LRP1B: variants seen among roughly 807,000 people sequenced by gnomAD.
LRP1B encodes the protein low-density lipoprotein receptor-related protein 1B.
In LRP1B, 217 loss-of-function variants were observed where a neutral mutation model predicts 556.6. The observed-to-expected ratio is 0.39, with a 90% CI of 0.35 to 0.44. LRP1B has a LOEUF of 0.44. LRP1B is among the 20% of genes least tolerant of loss of function. The pLI is 1.00. For missense variants in LRP1B, 5,053 were observed against 5,620.8 expected (o/e 0.90, Z 3.23); for synonymous variants, 2,047 against 1,865.8 (o/e 1.10, Z -2.50).
intron 35 of LRP1B, among the ~76,000 whole-genome samples, chr2:140,743,898 G>A (rs930088012): frequency 6.9e-6 from 1 of 145,550 alleles, no homozygotes; most frequent in African/African-American, 2.5e-5. Flanking sequence ...ACCCAGGAGG[G>A]GGATGTTGCA....
chr2:140,788,441 T>G (rs1689987048), intron 32 of LRP1B, among the ~76,000 whole-genome samples: 1 of 152,166 alleles, frequency 6.6e-6, no homozygotes, highest in Non-Finnish European at 1.5e-5. Context: ...ATTAACAGTG[T>G]AATTACTGTT....
intron 7 of LRP1B, among the ~76,000 whole-genome samples, chr2:141,082,368 G>T (rs1007722893): frequency 1.7e-4 from 26 of 152,152 alleles, no homozygotes; most frequent in Admixed American, 1.2e-3. Flanking sequence ...TAAAAGCTGG[G>T]CTCTTCTCTT....
intron 2 of LRP1B, among the ~76,000 whole-genome samples, chr2:141,746,301 T>A (rs1464803482): frequency 6.6e-6 from 1 of 152,168 alleles, no homozygotes; most frequent in Non-Finnish European, 1.5e-5. Context: ...GTGACGGGGC[T>A]TGCTGGAACT....
At chr2:140,458,067 C>T (rs183032009) in intron 60 of LRP1B, among the ~76,000 whole-genome samples, 1 of 151,898 alleles carries the variant, frequency 6.6e-6, no homozygotes, top group East Asian at 1.9e-4. Context: ...ATACCTAAAT[C>T]TAAAGATCAT....
chr2:141,346,593 C>T (rs956138128), intron 3 of LRP1B, among the ~76,000 whole-genome samples: 1 of 152,072 alleles, frequency 6.6e-6, no homozygotes, highest in Non-Finnish European at 1.5e-5. Flanking sequence ...GTGAGGTATA[C>T]CCTGAACGAA....
At chr2:141,657,228 T>G (rs555988512) in intron 2 of LRP1B, among the ~76,000 whole-genome samples, 2 of 152,162 alleles carry the variant, frequency 1.3e-5, no homozygotes, top group African/African-American at 4.8e-5. Flanking sequence ...AATTACAGAG[T>G]GTAGTAAATG....
intron 3 of LRP1B, among the ~76,000 whole-genome samples, chr2:141,333,293 G>T (rs796984360): frequency 3.9e-5 from 6 of 152,144 alleles, no homozygotes; most frequent in African/African-American, 1.4e-4. Context: ...TTGTGGATTA[G>T]GATATTTCTA....
chr2:141,569,231 C>T (rs972164542), intron 2 of LRP1B, among the ~76,000 whole-genome samples: 6 of 150,822 alleles, frequency 4.0e-5, no homozygotes, highest in South Asian at 2.1e-4. Flanking sequence ...AGAAAAATCG[C>T]TACAATGTCT....
At chr2:140,554,632 A>G (rs573141796) in intron 43 of LRP1B, among the ~76,000 whole-genome samples, 3 of 152,080 alleles carry the variant, frequency 2.0e-5, no homozygotes, top group Non-Finnish European at 4.4e-5. Context: ...AATAGAGGAT[A>G]TTACAAGAGC....
intron 54 of LRP1B, 112 bp downstream of exon 54, chr2:140,502,851 C>T: frequency 9.6e-7 from 1 of 1,040,522 alleles, no homozygotes; most frequent in Non-Finnish European, 1.4e-6. Context: ...AGAAACATCA[C>T]ATGCTTAATA....
At chr2:140,956,267 T>G (rs16845015) in intron 18 of LRP1B, among the ~76,000 whole-genome samples, 6 of 151,620 alleles carry the variant, frequency 4.0e-5, no homozygotes, top group Non-Finnish European at 5.9e-5. Context: ...ATCACATAAA[T>G]AGCAAGTGGC....
intron 3 of LRP1B, among the ~76,000 whole-genome samples, chr2:141,264,725 T>C (rs1161482609): frequency 6.6e-6 from 1 of 152,186 alleles, no homozygotes; most frequent in African/African-American, 2.4e-5. Flanking sequence ...GAAGAGCTGG[T>C]ATTACAGGCA....
chr2:141,579,605 T>C (rs939837634), intron 2 of LRP1B, among the ~76,000 whole-genome samples: 1 of 152,112 alleles, frequency 6.6e-6, no homozygotes. Flanking sequence ...AGCATAAAAT[T>C]TGAATGTTGA....
Position 140,577,685 on chromosome 2 carries a change from A to C in LRP1B, c.7194+20946T>G, listed in dbSNP as rs184628336. ...ATTTTCCCCACCCCCCAGCCTCCCA[A>C]AGTGCTGAGATATGGACATGAGCCA... On this transcript the variant is annotated intron_variant, in intron 43 of 90. Transcript: ENST00000389484. Among the ~76,000 whole-genome samples the C allele has an allele frequency of 7.9e-4, 120 of 152,168 alleles. No homozygotes were observed. In the Middle Eastern group the frequency reaches 0.038, roughly 48 times the overall value.
At chr2:141,836,674 A>G (rs957289861) in intron 1 of LRP1B, among the ~76,000 whole-genome samples, 1 of 152,006 alleles carries the variant, frequency 6.6e-6, no homozygotes, top group African/African-American at 2.4e-5. Flanking sequence ...TCTAACTGCT[A>G]ACAGTATTTC....
intron 18 of LRP1B, among the ~76,000 whole-genome samples, chr2:140,960,513 C>A (rs577546162): frequency 6.6e-6 from 1 of 151,534 alleles, no homozygotes; most frequent in African/African-American, 2.4e-5. Flanking sequence ...ATTTTAAAAA[C>A]GTTTCCTGAC....
At chr2:140,648,516 T>C (rs1212878795) in intron 41 of LRP1B, among the ~76,000 whole-genome samples, 1 of 151,520 alleles carries the variant, frequency 6.6e-6, no homozygotes, top group Non-Finnish European at 1.5e-5. Context: ...GTGGAGAATG[T>C]GAGGAGGGGT....
chr2:141,071,059 G>T (rs1574043537), intron 7 of LRP1B, among the ~76,000 whole-genome samples: 1 of 151,936 alleles, frequency 6.6e-6, no homozygotes, highest in African/African-American at 2.4e-5. Flanking sequence ...CCAAAAAAGA[G>T]AATTTTAGAC....
intron 67 of LRP1B, among the ~76,000 whole-genome samples, chr2:140,384,566 A>G (rs1364450970): frequency 6.6e-6 from 1 of 152,208 alleles, no homozygotes; most frequent in Admixed American, 6.5e-5. Context: ...TATTCAGGGT[A>G]TTCTGTAATC....
Sources: gnomAD v4.1 joint callset for allele counts (sites outside exome capture counted in the v4.1 genomes callset) on GRCh38, gnomAD v4.1.1 for gene constraint, MANE v1.5 for transcripts, NCBI Gene and HGNC (gene_info 2026-07-23, HGNC 2026-07-21) for gene names.